NDNF: variants seen among roughly 807,000 people sequenced by gnomAD.
NDNF encodes neuron derived neurotrophic factor.
A neutral mutation model predicts 42.0 loss-of-function variants in NDNF; 16 were observed. The observed-to-expected ratio is 0.38, with a 90% CI of 0.26 to 0.58. The LOEUF (loss-of-function observed/expected upper bound fraction) is 0.58, where lower values mean the gene tolerates loss of function less well. Among genes scored for constraint, NDNF ranks in the 20% least tolerant of loss-of-function variants. The pLI is 0.67. For missense variants in NDNF, 616 were observed against 666.2 expected, an observed-to-expected ratio of 0.92 and a Z score of 0.83; for synonymous variants, 248 against 251.7, an observed-to-expected ratio of 0.99 and a Z score of 0.14.
At chr4:121,066,224 A>G (rs1727497157) in intron 1 of NDNF, among the ~76,000 whole-genome samples, 1 of 152,210 alleles carries the variant, frequency 6.6e-6, no homozygotes, top group Non-Finnish European at 1.5e-5. Flanking sequence ...AGAACTAACA[A>G]TATCAGAGAC....
At chr4:121,042,210 A>G (rs1418158865) in intron 2 of NDNF, among the ~76,000 whole-genome samples, 1 of 152,200 alleles carries the variant, frequency 6.6e-6, no homozygotes, top group African/African-American at 2.4e-5. Context: ...TTCTGCATGT[A>G]TGTACTTGAT....
intron 1 of NDNF, among the ~76,000 whole-genome samples, chr4:121,052,068 T>G (rs76596648): frequency 6.6e-6 from 1 of 152,220 alleles, no homozygotes. Context: ...TTTACCTACC[T>G]GTGATAATAT....
chr4:121,039,861 G>A, intron 3 of NDNF, 69 bp downstream of exon 3: 1 of 1,539,922 alleles, frequency 6.5e-7, no homozygotes, highest in Non-Finnish European at 8.8e-7. Flanking sequence ...CACATAGAAG[G>A]TTGTATGTTT....
chr4:121,057,144 G>C (rs1727310537), intron 1 of NDNF, among the ~76,000 whole-genome samples: 1 of 152,144 alleles, frequency 6.6e-6, no homozygotes, highest in African/African-American at 2.4e-5. Flanking sequence ...TGATCCCAGA[G>C]GGCACTCTAA....
At position 121,039,961 on chromosome 4, in the gene NDNF, C is replaced by T. The variant is rs1726968252; in HGVS notation, c.282G>A (p.Glu94=). The change falls in exon 3 of 4, where the codon GAG becomes GAA. Residue 94 remains glutamate, a synonymous_variant. Transcript: ENST00000379692. ...APLEWKLSLQ[E]LPEDRSGEGS... ...CTTCCCCGCTCCTGTCCTCTGGCAG[C>T]TCCTGGAGGCTCAGCTTCCACTCCA... 6.2e-7 allele frequency: 1 copy of T among 1,614,100 alleles called. No individual in the cohort carries two copies. Among genetic ancestry groups the T allele is most frequent in the South Asian group, 1.1e-5 (1 of 91,082 alleles).
At chr4:121,060,988 CT>C (rs1387310354) in intron 1 of NDNF, among the ~76,000 whole-genome samples, 8 of 152,136 alleles carry the variant, frequency 5.3e-5, no homozygotes, top group African/African-American at 1.9e-4. Context: ...TACCAGGGAC[CT>C]TAAAGAGTTA....
chr4:121,062,987 A>C (rs947732721), intron 1 of NDNF, among the ~76,000 whole-genome samples: 1 of 152,168 alleles, frequency 6.6e-6, no homozygotes, highest in African/African-American at 2.4e-5. Context: ...TAAATTTTAA[A>C]GGGTTTTAAA....
At chr4:121,051,324 A>T (rs932869493) in intron 1 of NDNF, among the ~76,000 whole-genome samples, 4 of 152,188 alleles carry the variant, frequency 2.6e-5, no homozygotes, top group African/African-American at 9.6e-5. Flanking sequence ...AGTGGAGCAC[A>T]TGATGGATAA....
At chr4:121,045,974 C>A in intron 1 of NDNF, 136 bp from the exon 2 acceptor site, 3 of 618,780 alleles carry the variant, frequency 4.8e-6, no homozygotes, top group Non-Finnish European at 5.1e-6. Context: ...GATACATACA[C>A]ATGATCTTCA....
At chr4:121,048,514 A>G (rs1727132851) in intron 1 of NDNF, among the ~76,000 whole-genome samples, 1 of 152,218 alleles carries the variant, frequency 6.6e-6, no homozygotes, top group Non-Finnish European at 1.5e-5. Context: ...CTGCCCTAGG[A>G]AAGAACTCTC....
chr4:121,037,769 C>T, intron 3 of NDNF, 112 bp from the exon 4 acceptor site: 1 of 667,194 alleles, frequency 1.5e-6, no homozygotes, highest in Non-Finnish European at 2.4e-6. Context: ...AGTACATGTT[C>T]ATAAGTAAAA....
chr4:121,068,181 C>T (rs1727532473), intron 1 of NDNF, among the ~76,000 whole-genome samples: 1 of 151,708 alleles, frequency 6.6e-6, no homozygotes, highest in Non-Finnish European at 1.5e-5. Flanking sequence ...AAAGTATTTA[C>T]TTTTTTTTTC....
chr4:121,068,946 A>T (rs888085030), intron 1 of NDNF, among the ~76,000 whole-genome samples: 1 of 152,250 alleles, frequency 6.6e-6, no homozygotes, highest in African/African-American at 2.4e-5. Flanking sequence ...ATTCAGTTTT[A>T]AAGTAAAAAT....
intron 1 of NDNF, among the ~76,000 whole-genome samples, chr4:121,047,789 T>A (rs1727119783): frequency 1.3e-5 from 2 of 152,208 alleles, no homozygotes; most frequent in African/African-American, 2.4e-5. Flanking sequence ...AGTTTAAGAA[T>A]AAGACCAGGC....
At chr4:121,062,903 A>C (rs1164556713) in intron 1 of NDNF, among the ~76,000 whole-genome samples, 2 of 152,170 alleles carry the variant, frequency 1.3e-5, no homozygotes, top group African/African-American at 4.8e-5. Context: ...AAATGTTTTA[A>C]AAAATTATAG....
intron 1 of NDNF, among the ~76,000 whole-genome samples, chr4:121,048,858 TA>T (rs1727141177): frequency 1.3e-5 from 2 of 152,158 alleles, no homozygotes; most frequent in South Asian, 4.2e-4. Flanking sequence ...AAATCTGAGA[TA>T]AAAACAATAT....
At chr4:121,067,343 AAAAT>A (rs1431508253) in intron 1 of NDNF, among the ~76,000 whole-genome samples, 2 of 152,212 alleles carry the variant, frequency 1.3e-5, no homozygotes, top group African/African-American at 4.8e-5. Context: ...AGTGAAGCTA[AAAAT>A]AAATACTTCA....
rs1385748329 is a variant in NDNF at position 121,035,829 on chromosome 4, C to T, written c.*435G>A. 2 of 153,076 alleles carry T rather than the reference C, an allele frequency of 1.3e-5. No individual in the cohort carries two copies. Among genetic ancestry groups the T allele is most frequent in the Non-Finnish European group, 2.9e-5 (2 of 68,470 alleles). 9.5% of individuals were successfully genotyped at this position (153,076 alleles called of 1,614,324 possible). A position where few individuals can be genotyped will look rare whatever the true frequency, so the allele number is the denominator to read the frequency against. On this transcript the variant is annotated 3_prime_UTR_variant, in exon 4 of 4. Transcript: ENST00000379692. Reference sequence around the variant, plus strand: ...AATAGGAAAAGAATTTAATAGTTTACAATCATAGAAACACTGACATTTAAA... The same window carrying T: ...AATAGGAAAAGAATTTAATAGTTTATAATCATAGAAACACTGACATTTAAA...
chr4:121,040,056 T>A lies in NDNF; in HGVS notation c.189-2A>T, dbSNP rs1422514151. On this transcript the variant is annotated splice_acceptor_variant, in intron 2 of 3. Transcript: ENST00000379692. LOFTEE classifies it high-confidence loss of function. ...TCTTCTTCAACCACAAAGAAATACC[T>A]GTGGGAAAGTGGACCACTTTAGACC... The A allele has an allele frequency of 6.2e-7, 1 of 1,613,086 alleles. No homozygotes were observed. Among genetic ancestry groups the A allele is most frequent in the Non-Finnish European group, 8.5e-7 (1 of 1,179,618 alleles).
Sources: gnomAD v4.1 joint callset for allele counts (sites outside exome capture counted in the v4.1 genomes callset) on GRCh38, gnomAD v4.1.1 for gene constraint, MANE v1.5 for transcripts, NCBI Gene and HGNC (gene_info 2026-07-23, HGNC 2026-07-21) for gene names.